The following SCIN variants were observed in gnomAD, a reference collection of about 807,000 sequenced individuals.
SCIN encodes the protein adseverin.
In SCIN, 91 loss-of-function variants were observed where a neutral mutation model predicts 91.8. That is an observed-to-expected ratio of 0.99 (90% CI 0.84 to 1.18). SCIN has a LOEUF of 1.18. Among genes scored for constraint, SCIN ranks in the 50% most tolerant of loss-of-function variants. The pLI is 0.00. For missense variants in SCIN, 1,087 were observed against 863.9 expected, an observed-to-expected ratio of 1.26 and a Z score of -3.24; for synonymous variants, 367 against 312.6, an observed-to-expected ratio of 1.17 and a Z score of -1.84.
At chr7:12,591,853 C>T (rs944663972) in intron 3 of SCIN, among the ~76,000 whole-genome samples, 1 of 152,098 alleles carries the variant, frequency 6.6e-6, no homozygotes, top group Non-Finnish European at 1.5e-5. Context: ...AGTAAGTCAT[C>T]ATGGAGATGG....
rs564809483 is a variant in SCIN at position 12,572,208 on chromosome 7, CTT to C, written c.199+1226_199+1227del. 1.5e-4 allele frequency among the ~76,000 whole-genome samples: 23 copies of C among 152,284 alleles called. No homozygotes were observed. In the East Asian group the frequency reaches 4.4e-3, roughly 29 times the overall value. ...GAAAAATACGTAGATGAAGATAAGA[CTT>C]TTAATTATAACATTTGGAGTCAAAA... On this transcript the variant is annotated intron_variant, in intron 1 of 15. Coordinates refer to ENST00000297029, the MANE Select transcript of SCIN (RefSeq NM_001112706.3).
At chr7:12,652,145 CTTAAA>C (rs1169767227) in intron 15 of SCIN, among the ~76,000 whole-genome samples, 5 of 152,154 alleles carry the variant, frequency 3.3e-5, no homozygotes, top group African/African-American at 1.2e-4. Context: ...AATCTGAAAA[CTTAAA>C]TTAATTTCAA....
intron 8 of SCIN, among the ~76,000 whole-genome samples, chr7:12,627,392 G>A (rs548255468): frequency 3.3e-5 from 5 of 152,110 alleles, no homozygotes; most frequent in African/African-American, 7.2e-5. Flanking sequence ...TTCCCTCAGC[G>A]CTGAAGTGGC....
intron 3 of SCIN, among the ~76,000 whole-genome samples, chr7:12,587,345 G>C (rs766515634): frequency 3.0e-4 from 46 of 152,296 alleles, no homozygotes; most frequent in Non-Finnish European, 5.1e-4. Flanking sequence ...TTGTAGCCTG[G>C]GGGTGGGGAG....
intron 6 of SCIN, 32 bp from the exon 7 acceptor site, chr7:12,625,730 G>A: frequency 7.1e-7 from 1 of 1,406,118 alleles, no homozygotes. Flanking sequence ...CTTCTCTGAA[G>A]TTCTTTCTCT....
In SCIN at chr7:12,570,880, G is replaced by T; in HGVS notation, c.94G>T (p.Val32Leu). The T allele has an allele frequency of 1.9e-6, 3 of 1,551,606 alleles. No homozygotes were observed. Among genetic ancestry groups the T allele is most frequent in the South Asian group, 1.2e-5 (1 of 84,052 alleles). Residue 32 changes from valine to leucine, a missense_variant, in exon 1 of 16, where the codon GTG becomes TTG. Transcript: ENST00000297029. ...WRIEKLELVP[V>L]PQSAHGDFYV... ...GATTGAGAAGCTGGAGCTGGTGCCC[G>T]TGCCCCAGAGCGCTCACGGCGACTT...
intron 4 of SCIN, among the ~76,000 whole-genome samples, chr7:12,622,110 A>AT (rs1204270096): frequency 7.9e-5 from 12 of 152,040 alleles, no homozygotes; most frequent in Admixed American, 6.6e-4. Context: ...TCATAGACAT[A>AT]TTTTTTATTT....
rs566322330 is a variant in SCIN at position 12,648,773 on chromosome 7, A to T, written c.1882-694A>T. ...AATTGACTATATATGTGGGCATTCA[A>T]ATGTGTCAACCCTAAGGATGAGATT... On this transcript the variant is annotated intron_variant, in intron 13 of 15. Coordinates refer to ENST00000297029, the MANE Select transcript of SCIN (RefSeq NM_001112706.3). Among the ~76,000 whole-genome samples the T allele has an allele frequency of 7.4e-4, 112 of 152,312 alleles. 1 individual carries two copies. Among genetic ancestry groups the T allele is most frequent in the Middle Eastern group, 6.8e-3 (2 of 294 alleles).
chr7:12,608,792 A>G (rs757097706), intron 4 of SCIN, among the ~76,000 whole-genome samples: 64 of 152,178 alleles, frequency 4.2e-4, no homozygotes, highest in Non-Finnish European at 7.8e-4. Context: ...TTGACCTTTT[A>G]AAAGACTCAT....
At chr7:12,594,644 G>C (rs930846864) in intron 3 of SCIN, among the ~76,000 whole-genome samples, 42 of 152,150 alleles carry the variant, frequency 2.8e-4, no homozygotes, top group Non-Finnish European at 1.5e-4. Context: ...CCCAAGGGGG[G>C]TGGTCTTGGG....
Position 12,634,953 on chromosome 7 carries a change from G to A in SCIN, c.1320-1092G>A, listed in dbSNP as rs2708657. On this transcript the variant is annotated intron_variant, in intron 9 of 15. Transcript: ENST00000297029. ...TTTAATCCTAGCACTTTGGGAGGCC[G>A]AGGCGGGTGGATCACCTGAGGTCAG... Among the ~76,000 whole-genome samples the A allele has an allele frequency of 4.7e-3, 722 of 152,148 alleles. 34 individuals are homozygous for A. The East Asian group carries it at 0.11, about 24-fold the overall frequency.
At position 12,570,819 on chromosome 7, in the gene SCIN, C is replaced by T. The variant is rs1004139708; in HGVS notation, c.33C>T (p.Ala11=). ...GGGAGCTATACCACGAAGAGTTCGC[C>T]CGGGCGGGCAAGCAGGCGGGGCTGC... MARELYHEEF[A]RAGKQAGLQV... Residue 11 remains alanine (A), a synonymous_variant, in exon 1 of 16, where the codon GCC becomes GCT. Coordinates refer to ENST00000297029, the MANE Select transcript of SCIN (RefSeq NM_001112706.3). The T allele has an allele frequency of 1.3e-6, 2 of 1,551,502 alleles. No homozygotes were observed. The highest frequency in any genetic ancestry group is 1.2e-5 in the South Asian group (1 of 84,046).
chr7:12,591,557 A>T (rs1183180573), intron 3 of SCIN, among the ~76,000 whole-genome samples: 1 of 152,096 alleles, frequency 6.6e-6, no homozygotes, highest in Non-Finnish European at 1.5e-5. Context: ...AGGTTGGGAG[A>T]TATCAGGTAA....
At chr7:12,595,366 T>A (rs887415931) in intron 3 of SCIN, among the ~76,000 whole-genome samples, 22 of 151,304 alleles carry the variant, frequency 1.5e-4, no homozygotes, top group Non-Finnish European at 3.1e-4. Context: ...ACCTCCCCCA[T>A]GCTGCCCGTA....
chr7:12,596,865 C>T (rs997199913), intron 3 of SCIN, among the ~76,000 whole-genome samples: 1 of 152,190 alleles, frequency 6.6e-6, no homozygotes, highest in Non-Finnish European at 1.5e-5. Context: ...TGTCCCTCTA[C>T]TGCACATCCA....
At chr7:12,605,665 T>A (rs1783067804) in intron 4 of SCIN, among the ~76,000 whole-genome samples, 1 of 152,244 alleles carries the variant, frequency 6.6e-6, no homozygotes, top group South Asian at 2.1e-4. Flanking sequence ...ACTTGTGGCA[T>A]AACATCAGGA....
intron 9 of SCIN, among the ~76,000 whole-genome samples, chr7:12,632,226 G>A (rs948046013): frequency 1.3e-5 from 2 of 151,748 alleles, no homozygotes; most frequent in South Asian, 4.2e-4. Flanking sequence ...CGCCTCCCGG[G>A]TTCAAGCTAT....
chr7:12,602,547 C>G (rs185593036), intron 3 of SCIN, among the ~76,000 whole-genome samples: 1 of 152,158 alleles, frequency 6.6e-6, no homozygotes, highest in African/African-American at 2.4e-5. Flanking sequence ...CTTATTTCAA[C>G]CGCATAAGAC....
Position 12,581,220 on chromosome 7 carries a change from C to T in SCIN, c.515C>T (p.Thr172Ile), listed in dbSNP as rs906804177. The part of the protein sequence containing the change: ...KGDCFIIDLG[T>I]EIYQWCGSSC... ...GACTGCTTCATCATTGACCTTGGCA[C>T]CGTAAGTTTCATATATACACATCGA... The change falls in exon 3 of 16, where the codon ACC (threonine) becomes ATC (isoleucine). Residue 172 changes from threonine to isoleucine, a missense_variant and splice_region_variant. Coordinates refer to ENST00000297029, the MANE Select transcript of SCIN (RefSeq NM_001112706.3). The T allele has an allele frequency of 1.3e-6, 2 of 1,551,084 alleles. No homozygotes were observed. The highest frequency in any genetic ancestry group is 1.7e-6 in the Non-Finnish European group (2 of 1,146,594).
Sources: gnomAD v4.1 joint callset for allele counts (sites outside exome capture counted in the v4.1 genomes callset) on GRCh38, gnomAD v4.1.1 for gene constraint, MANE v1.5 for transcripts, NCBI Gene and HGNC (gene_info 2026-07-23, HGNC 2026-07-21) for gene names.